The following SPATA13 variants were observed in gnomAD, a reference collection of about 807,000 sequenced individuals.
SPATA13 encodes the protein spermatogenesis-associated protein 13.
A neutral mutation model predicts 104.0 loss-of-function variants in SPATA13; 50 were observed. The ratio of observed to expected loss-of-function variants is 0.48; its 90% CI spans 0.38 to 0.61. SPATA13 has a LOEUF of 0.61. SPATA13 is among the 20% of genes least tolerant of loss of function. SPATA13 has a pLI of 0.00. For synonymous variants in SPATA13, 606 were observed against 667.5 expected (o/e 0.91, Z 1.42); for missense variants, 1,524 against 1,690.6 (o/e 0.90, Z 1.73).
Position 24,015,936 on chromosome 13 carries a change from G to A in SPATA13, c.-146-1731G>A, listed in dbSNP as rs187342580. ...AGTGGGATTTGAGCATCAAAGACAC[G>A]CTTCTGTCCTTCGTCCTTCTGCCCT... On this transcript the variant is annotated intron_variant, in intron 2 of 14. Coordinates refer to the SPATA13 transcript ENST00000424834. Among the ~76,000 whole-genome samples, 337 of 152,326 alleles carry A rather than the reference G, an allele frequency of 2.2e-3. 2 individuals are homozygous for A. Among genetic ancestry groups the A allele is most frequent in the Admixed American group, 4.6e-3 (70 of 15,304 alleles).
chr13:24,118,901 C>CTTT (rs1880940035), intron 3 of SPATA13, among the ~76,000 whole-genome samples: 1 of 89,934 alleles, frequency 1.1e-5, no homozygotes, highest in East Asian at 6.3e-4. Flanking sequence ...CTACATTTTT[C>CTTT]TTTTCTTTTC....
At chr13:24,217,051 C>A (rs899888593) in intron 1 of SPATA13, among the ~76,000 whole-genome samples, 2 of 151,116 alleles carry the variant, frequency 1.3e-5, no homozygotes, top group African/African-American at 2.4e-5. Flanking sequence ...GACTCTGTCT[C>A]AAAACAAAAC....
In SPATA13 at chr13:24,070,686, A is replaced by G. The variant is rs77572366; in HGVS notation, c.-112+52985A>G. On this transcript the variant is annotated intron_variant, in intron 3 of 14. Coordinates refer to the SPATA13 transcript ENST00000424834. ...TTAAATCAGTAGACTGAGTGAAGTC[A>G]ACTTTCCTCCCTAATTTGGGTGGGT... Among the ~76,000 whole-genome samples, 549 of 152,344 alleles carry G rather than the reference A, an allele frequency of 3.6e-3. 15 individuals are homozygous for G. In the East Asian group the frequency reaches 0.062, roughly 17 times the overall value.
Position 24,286,315 on chromosome 13 carries a change from T to C in SPATA13, c.2403T>C (p.Val801=). The C allele has an allele frequency of 6.2e-7, 1 of 1,613,722 alleles. No individual in the cohort carries two copies. Among genetic ancestry groups the C allele is most frequent in the East Asian group, 2.2e-5 (1 of 44,868 alleles). Residue 801 remains valine (V), a synonymous_variant, in exon 6 of 13, where the codon GTT becomes GTC. Coordinates refer to ENST00000382108, the MANE Select transcript of SPATA13 (RefSeq NM_001166271.3). The surrounding 1 kb of genome is among the most constrained non-coding windows in gnomAD (Gnocchi z 4.9). ...TCAAAGCCGGGGATGTCATCCAGGT[T>C]CTGGAAGCCTCCAACAAGGACTGGT... ...LGFKAGDVIQ[V]LEASNKDWWW...
chr13:24,036,365 G>T (rs530863582), intron 3 of SPATA13, among the ~76,000 whole-genome samples: 1 of 152,192 alleles, frequency 6.6e-6, no homozygotes, highest in Non-Finnish European at 1.5e-5. Context: ...GGCTGAAGTA[G>T]AGGAAGAATG....
intron 3 of SPATA13, among the ~76,000 whole-genome samples, chr13:24,028,952 A>G (rs1011530489): frequency 1.4e-5 from 2 of 147,440 alleles, no homozygotes; most frequent in Non-Finnish European, 1.5e-5. Flanking sequence ...ACATCTAATA[A>G]TTTTACTTCC....
At chr13:24,008,916 CT>C (rs1194853242) in intron 2 of SPATA13, among the ~76,000 whole-genome samples, 1 of 152,212 alleles carries the variant, frequency 6.6e-6, no homozygotes, top group Non-Finnish European at 1.5e-5. Flanking sequence ...GAAAGCATAG[CT>C]CTGGGACCAA....
chr13:24,042,099 T>G (rs9580838), intron 3 of SPATA13, among the ~76,000 whole-genome samples: 71,406 of 152,056 alleles, frequency 0.47, 17,572 homozygotes, highest in African/African-American at 0.61. Context: ...GCAAGCTCCC[T>G]TCAGGCACAT....
intron 1 of SPATA13, among the ~76,000 whole-genome samples, chr13:24,206,840 T>C (rs9507284): frequency 0.91 from 137,440 of 151,066 alleles, 64,019 homozygotes; most frequent in East Asian, 1. Context: ...TGCAGTAAGC[T>C]GAGATTGTGC....
chr13:24,020,542 A>G (rs944091755), intron 3 of SPATA13, among the ~76,000 whole-genome samples: 1 of 152,204 alleles, frequency 6.6e-6, no homozygotes, highest in African/African-American at 2.4e-5. Context: ...AACGAATTGT[A>G]TTTAACCTTT....
rs1362438163 is a variant in SPATA13, at chr13:24,304,201, C to T, written c.*1428C>T. The T allele has an allele frequency of 1.3e-5, 2 of 152,222 alleles. No individual in the cohort carries two copies. Among genetic ancestry groups the T allele is most frequent in the Non-Finnish European group, 1.5e-5 (1 of 68,050 alleles). 9.4% of individuals were successfully genotyped at this position (152,222 alleles called of 1,614,324 possible). A position where few individuals can be genotyped will look rare whatever the true frequency, so the allele number is the denominator to read the frequency against. ...GGACTTGTTCTTTATAAAAAAAGACCTTCACAAAATATCTTGGCTTAGAGA... is the reference window on the plus strand; with the variant it reads ...GGACTTGTTCTTTATAAAAAAAGACTTTCACAAAATATCTTGGCTTAGAGA... On this transcript the variant is annotated 3_prime_UTR_variant, in exon 13 of 13. Transcript: ENST00000382108.
At chr13:24,064,587 C>G (rs1220240505) in intron 3 of SPATA13, among the ~76,000 whole-genome samples, 1 of 152,156 alleles carries the variant, frequency 6.6e-6, no homozygotes, top group African/African-American at 2.4e-5. Context: ...AGACAGACAT[C>G]TACAAACCAG....
intron 3 of SPATA13, among the ~76,000 whole-genome samples, chr13:24,061,358 A>G (rs1325438714): frequency 6.6e-6 from 1 of 152,170 alleles, no homozygotes. Flanking sequence ...CAATAATCCC[A>G]TTACTGGTTA....
At chr13:24,198,184 G>T (rs145031463) in intron 1 of SPATA13, among the ~76,000 whole-genome samples, 3 of 152,030 alleles carry the variant, frequency 2.0e-5, no homozygotes, top group Non-Finnish European at 4.4e-5. Context: ...TAGTAGAGAC[G>T]GGGTTTCACT....
rs185784622 is a variant in SPATA13, at chr13:24,102,676, G to A, written c.-112+84975G>A. On this transcript the variant is annotated intron_variant, in intron 3 of 14. Transcript: ENST00000424834. ...TTTAGTAGAGATGGGGTTTCACCAC[G>A]TGGGCCAGGCTGGTCTCAAACTCCT... 2.3e-3 allele frequency among the ~76,000 whole-genome samples: 351 copies of A among 152,074 alleles called. 1 individual carries two copies. The highest frequency in any genetic ancestry group is 7.7e-3 in the African/African-American group (320 of 41,466).
Position 24,080,382 on chromosome 13 carries a change from G to C in SPATA13, c.-112+62681G>C, listed in dbSNP as rs144700602. Among the ~76,000 whole-genome samples, 17 of 152,374 alleles carry C rather than the reference G, an allele frequency of 1.1e-4. No homozygotes were observed. In the East Asian group the frequency reaches 3.3e-3, roughly 29 times the overall value. On this transcript the variant is annotated intron_variant, in intron 3 of 14. Transcript: ENST00000424834. ...CAGGAACCAACGACTTACTAGAAATGAGAACAAAAGCTTTGGCGGCTTGGG... is the reference window on the plus strand; with the variant it reads ...CAGGAACCAACGACTTACTAGAAATCAGAACAAAAGCTTTGGCGGCTTGGG...
chr13:24,149,780 G>A (rs1040623868), intron 3 of SPATA13, among the ~76,000 whole-genome samples: 1 of 152,252 alleles, frequency 6.6e-6, no homozygotes, highest in East Asian at 1.9e-4. Flanking sequence ...AGAGCTGCGG[G>A]TCAGGTTGTC....
In SPATA13 at chr13:24,223,464, G is replaced by A. The variant is rs747517837; in HGVS notation, c.535G>A (p.Gly179Ser). 1 of 1,550,264 alleles carries A rather than the reference G, an allele frequency of 6.5e-7. No homozygotes were observed. The highest frequency in any genetic ancestry group is 8.7e-7 in the Non-Finnish European group (1 of 1,147,000). The part of the protein sequence containing the change: ...ACGALRPAEW[G>S]TLDGSDLEDT... ...TGGTGCCCTCAGGCCAGCAGAGTGG[G>A]GCACATTGGATGGCTCCGACCTCGA... Residue 179 changes from glycine (G) to serine (S), a missense_variant, in exon 2 of 13, where the codon GGC becomes AGC. Physicochemically the swap from Gly to Ser is moderately conservative, Grantham distance 56. Around this residue, in one of 2 missense-constraint regions of SPATA13, gnomAD observed 1,089 missense variants for 1,135.9 expected, o/e 0.96. Transcript: ENST00000382108.
chr13:24,059,617 A>G (rs921856653), intron 3 of SPATA13, among the ~76,000 whole-genome samples: 1 of 152,182 alleles, frequency 6.6e-6, no homozygotes, highest in Non-Finnish European at 1.5e-5. Context: ...ATCTCATTTA[A>G]TCCTGTCATT....
Sources: allele counts gnomAD v4.1 joint callset (sites outside exome capture counted in the v4.1 genomes callset), GRCh38; gene constraint gnomAD v4.1.1; regional missense constraint gnomAD v4.1.1; non-coding constraint Gnocchi (gnomAD v3.1); transcripts MANE v1.5; gene names NCBI Gene and HGNC (gene_info 2026-07-23, HGNC 2026-07-21).